Variants in MAP4K1 observed in about 807,000 individuals in gnomAD.
The protein encoded by MAP4K1 is MAPK/ERK kinase kinase kinase 1.
MAP4K1 carries 35 observed loss-of-function variants against 122.8 expected under a neutral mutation model. The observed-to-expected ratio is 0.29, with a 90% CI of 0.22 to 0.38. The LOEUF is 0.38. Among genes scored for constraint, MAP4K1 ranks in the 10% least tolerant of loss-of-function variants. The pLI is 1.00. For missense variants in MAP4K1, 791 were observed against 1,072.6 expected (o/e 0.74, Z 3.67); for synonymous variants, 412 against 421.3 (o/e 0.98, Z 0.27).
intron 29 of MAP4K1, 101 bp from the exon 30 acceptor site, chr19:38,593,438 C>T (rs566684472): frequency 2.9e-5 from 31 of 1,070,134 alleles, no homozygotes; most frequent in Non-Finnish European, 2.6e-5. Context: ...CACGGTGGCT[C>T]ACGCCTGTAA....
chr19:38,596,055 C>T, intron 26 of MAP4K1, 54 bp from the exon 27 acceptor site: 1 of 1,558,876 alleles, frequency 6.4e-7, no homozygotes, highest in Non-Finnish European at 8.8e-7. Context: ...CCTTTCCCCA[C>T]ACCACCCCCA....
intron 22 of MAP4K1, among the ~76,000 whole-genome samples, chr19:38,599,012 CAAAAAAAAAAAAA>C (rs944497385): frequency 0.015 from 578 of 38,024 alleles, 6 homozygotes; most frequent in African/African-American, 0.056. Context: ...GAGTCTATCT[CAAAAAAAAAAAAA>C]AAAAAAAAAA....
intron 19 of MAP4K1, among the ~76,000 whole-genome samples, chr19:38,603,082 A>ACG: frequency 7.9e-6 from 1 of 126,164 alleles, no homozygotes; most frequent in South Asian, 3.1e-4. Context: ...ACATATATAC[A>ACG]CATGTACATA....
chr19:38,592,952 T>A (rs1974771407), intron 30 of MAP4K1, among the ~76,000 whole-genome samples: 1 of 151,492 alleles, frequency 6.6e-6, no homozygotes, highest in African/African-American at 2.4e-5. Context: ...AATAAAAGAA[T>A]TGCTGGGCAT....
At position 38,588,428 on chromosome 19, in the gene MAP4K1, T is replaced by C. The variant is rs145414373; in HGVS notation, c.2397-611A>G. On this transcript the variant is annotated intron_variant, in intron 30 of 30. Transcript: ENST00000396857. ...TGACAAGGCCGGGCATGGTGGCTCA[T>C]GCTTGTAATCCCAGCACTTTGGGAG... Among the ~76,000 whole-genome samples, 635 of 152,032 alleles carry C rather than the reference T, an allele frequency of 4.2e-3. 16 individuals carry two copies. The highest frequency in any genetic ancestry group is 0.032 in the Admixed American group (488 of 15,246).
chr19:38,588,154 A>G (rs1974584849), intron 30 of MAP4K1, among the ~76,000 whole-genome samples: 1 of 152,066 alleles, frequency 6.6e-6, no homozygotes. Flanking sequence ...GGCTGGGGAG[A>G]ACAGCCTGTG....
At chr19:38,596,537 C>T (rs1242521176) in intron 25 of MAP4K1, 51 bp from the exon 26 acceptor site, 2 of 1,423,026 alleles carry the variant, frequency 1.4e-6, no homozygotes, top group East Asian at 2.5e-5. Flanking sequence ...AGGACGGGGC[C>T]TCAGGGGGCG....
chr19:38,616,129 A>C, intron 4 of MAP4K1, 66 bp downstream of exon 4: 1 of 1,095,618 alleles, frequency 9.1e-7, no homozygotes, highest in Non-Finnish European at 1.3e-6. Context: ...GAAGAGGTGA[A>C]TTTGGGTCGG....
chr19:38,603,883 C>G (rs1379352983), intron 19 of MAP4K1, among the ~76,000 whole-genome samples: 1 of 151,450 alleles, frequency 6.6e-6, no homozygotes, highest in Non-Finnish European at 1.5e-5. Context: ...ACTTAGGAGG[C>G]TGAGGCAGGA....
rs1397007715 is a variant in MAP4K1 at position 38,609,560 on chromosome 19, G to A, written c.1006+36C>T. 1.9e-6 allele frequency: 3 copies of A among 1,588,320 alleles called. No homozygotes were observed. The African/African-American group carries it at 4.0e-5, about 21-fold the overall frequency. ...GGTGGTCTCTTAGGTCTATTATAGG[G>A]TCAGGTGTCCCCAAACATAAGGATT... On this transcript the variant is annotated intron_variant, in intron 13 of 30. Transcript: ENST00000396857.
chr19:38,607,773 G>C, intron 16 of MAP4K1, 91 bp downstream of exon 16: 1 of 1,383,842 alleles, frequency 7.2e-7, no homozygotes, highest in Admixed American at 1.9e-5. Flanking sequence ...GTGCAGCGGG[G>C]TCAGGAGTGG....
At position 38,612,841 on chromosome 19, in the gene MAP4K1, A is replaced by G. The variant is rs1223872364; in HGVS notation, c.534-99T>C. The G allele has an allele frequency of 1.8e-5, 23 of 1,303,468 alleles. 1 individual carries two copies. In the Admixed American group the frequency reaches 4.1e-4, roughly 23 times the overall value. 80.7% of individuals were successfully genotyped at this position (1,303,468 alleles called of 1,614,324 possible). On this transcript the variant is annotated intron_variant, in intron 8 of 30. Transcript: ENST00000396857. ...GGAGTTGAGGGGAGACGCAGCACAC[A>G]GAGAGTCAGATGGAGAGACAGAGGG...
chr19:38,603,219 CATAT>C (rs916252364), intron 19 of MAP4K1, among the ~76,000 whole-genome samples: 2 of 146,872 alleles, frequency 1.4e-5, no homozygotes, highest in Non-Finnish European at 1.5e-5. Flanking sequence ...CATATATACA[CATAT>C]ACATATACAC....
intron 5 of MAP4K1, 43 bp from the exon 6 acceptor site, chr19:38,614,335 C>T (rs979377483): frequency 4.3e-6 from 7 of 1,613,972 alleles, no homozygotes; most frequent in Non-Finnish European, 5.9e-6. Flanking sequence ...TGTTTGGGGG[C>T]TGGAGTGGGG....
Position 38,617,687 on chromosome 19 carries a change from C to T in MAP4K1, c.100-62G>A. The T allele has an allele frequency of 6.2e-7, 1 of 1,608,188 alleles. No homozygotes were observed. Among genetic ancestry groups the T allele is most frequent in the Non-Finnish European group, 8.5e-7 (1 of 1,174,610 alleles). On this transcript the variant is annotated intron_variant, in intron 1 of 30. Coordinates refer to ENST00000396857, the MANE Select transcript of MAP4K1 (RefSeq NM_001042600.3). This position sits in a 1 kb window ranked among gnomAD's most constrained non-coding sequence, Gnocchi z 4.1. ...TTTGCCAGAGTCCCTCCACAGCATC[C>T]CTGAGTCAAGGTCAAGAACTGGGAC...
rs138298484 is a variant in MAP4K1 at position 38,600,039 on chromosome 19, G to A, written c.1608+38C>T. 1.5e-4 allele frequency: 237 copies of A among 1,614,044 alleles called. No homozygotes were observed. The African/African-American group carries it at 1.9e-3, about 13-fold the overall frequency. ...TGACACCCCAGCAACCCCCGACTCC[G>A]GCCCTTGCCCTTGCCCTGGCCCGGT... On this transcript the variant is annotated intron_variant, in intron 21 of 30. Coordinates refer to ENST00000396857, the MANE Select transcript of MAP4K1 (RefSeq NM_001042600.3).
At chr19:38,600,191 C>A in intron 20 of MAP4K1, 38 bp from the exon 21 acceptor site, 1 of 1,567,342 alleles carries the variant, frequency 6.4e-7, no homozygotes, top group Non-Finnish European at 8.8e-7. Context: ...CCGACTTCAT[C>A]CTCAGGGACC....
In MAP4K1 at chr19:38,614,234, C is replaced by G. The variant is rs746667635; in HGVS notation, c.417+11G>C. 1.2e-6 allele frequency: 2 copies of G among 1,614,084 alleles called. No individual in the cohort carries two copies. Among genetic ancestry groups the G allele is most frequent in the Non-Finnish European group, 1.7e-6 (2 of 1,179,956 alleles). On this transcript the variant is annotated intron_variant, in intron 6 of 30. Coordinates refer to ENST00000396857, the MANE Select transcript of MAP4K1 (RefSeq NM_001042600.3). ...CCACCCCCCAACAGCACCCCTACACCCCCAGACCACCTTGATGTCCCTGTG... is the reference window on the plus strand; with the variant it reads ...CCACCCCCCAACAGCACCCCTACACGCCCAGACCACCTTGATGTCCCTGTG...
chr19:38,595,238 G>A (rs867120827), intron 29 of MAP4K1, among the ~76,000 whole-genome samples: 1 of 151,922 alleles, frequency 6.6e-6, no homozygotes, highest in Non-Finnish European at 1.5e-5. Context: ...GCAGTGAGCC[G>A]GGATCGCACC....
Sources: allele counts gnomAD v4.1 joint callset (sites outside exome capture counted in the v4.1 genomes callset), GRCh38; gene constraint gnomAD v4.1.1; non-coding constraint Gnocchi (gnomAD v3.1); transcripts MANE v1.5; gene names NCBI Gene and HGNC (gene_info 2026-07-23, HGNC 2026-07-21).